Variants in GIT2 observed in about 807,000 individuals in gnomAD.
GIT2 encodes GIT ArfGAP 2, also known as ARF GTPase-activating protein GIT2.
In GIT2, 32 loss-of-function variants were observed where a neutral mutation model predicts 100.3. That is an observed-to-expected ratio of 0.32 (90% confidence interval 0.24 to 0.43). The LOEUF is 0.43. Among genes scored for constraint, GIT2 ranks in the 20% least tolerant of loss-of-function variants. The pLI, the probability that GIT2 is intolerant of heterozygous loss-of-function variation, is 1.00. For synonymous variants in GIT2, 353 were observed against 364.1 expected, an observed-to-expected ratio of 0.97 and a Z score of 0.35; for missense variants, 737 against 975.1, an observed-to-expected ratio of 0.76 and a Z score of 3.25.
intron 9 of GIT2, among the ~76,000 whole-genome samples, 157 bp from the exon 10 acceptor site, chr12:109,961,842 C>T (rs554735571): frequency 6.6e-6 from 1 of 152,260 alleles, no homozygotes; most frequent in African/African-American, 2.4e-5. Flanking sequence ...TTTTCAAAAT[C>T]GTACAGGGCC....
intron 2 of GIT2, 26 bp downstream of exon 2, chr12:109,991,601 C>G: frequency 1.9e-6 from 3 of 1,586,760 alleles, no homozygotes; most frequent in African/African-American, 1.3e-5. Context: ...AAATTACCAA[C>G]TGTCAGGAGA....
chr12:109,953,314 GT>G, intron 12 of GIT2, 80 bp from the exon 13 acceptor site: 1 of 1,483,262 alleles, frequency 6.7e-7, no homozygotes, highest in Non-Finnish European at 9.3e-7. Flanking sequence ...GGATTTTTTG[GT>G]TTAGCCATTT....
rs969212596 is a variant in GIT2, at chr12:109,934,739, T to C, written c.2004-654A>G. Among the ~76,000 whole-genome samples, 3 of 152,194 alleles carry C rather than the reference T, an allele frequency of 2.0e-5. No individual in the cohort carries two copies. The highest frequency in any genetic ancestry group is 1.9e-4 in the East Asian group (1 of 5,194). Reference sequence around the variant, plus strand: ...TGAATAGATTGTCATAAGCAACTTATGCACTTCACCTTTGTAACAAGTCTA... The same window carrying C: ...TGAATAGATTGTCATAAGCAACTTACGCACTTCACCTTTGTAACAAGTCTA... On this transcript the variant is annotated intron_variant, in intron 18 of 19. Transcript: ENST00000355312. The surrounding 1 kb of genome is among the most constrained non-coding windows in gnomAD (Gnocchi z 4.5).
intron 7 of GIT2, among the ~76,000 whole-genome samples, chr12:109,974,984 G>T (rs1468016896): frequency 1.3e-5 from 2 of 152,142 alleles, no homozygotes; most frequent in African/African-American, 2.4e-5. Context: ...ATGCCTTCTT[G>T]ATGAATTGAC....
At chr12:109,999,264 A>G (rs1170417401), upstream of GIT2, 1 of 151,084 alleles carries the variant, frequency 6.6e-6, no homozygotes, top group African/African-American at 2.5e-5. The surrounding 1 kb of genome is among the most constrained non-coding windows in gnomAD (Gnocchi z 4.3). Flanking sequence ...TGGCCAAGAG[A>G]ATGAGCCTCA....
chr12:109,933,198 GA>G lies in GIT2; in HGVS notation c.2068-9del. On this transcript the variant is annotated splice_polypyrimidine_tract_variant and intron_variant, in intron 19 of 19. Transcript: ENST00000355312. The surrounding 1 kb of genome is among the most constrained non-coding windows in gnomAD (Gnocchi z 4.5). ...CATATCAGACTTGGGTTTCTAAAAG[GA>G]AAAAGACAGCCGTTTACCCTGAACT... 2 of 1,493,652 alleles carry G rather than the reference GA, an allele frequency of 1.3e-6. No homozygotes were observed. Among genetic ancestry groups the G allele is most frequent in the Non-Finnish European group, 1.8e-6 (2 of 1,093,528 alleles). 92.5% of individuals were successfully genotyped at this position (1,493,652 alleles called of 1,614,324 possible). A position where few individuals can be genotyped will look rare whatever the true frequency, so the allele number is the denominator to read the frequency against.
chr12:109,982,572 AC>A (rs1398309299), intron 6 of GIT2: 1 of 151,920 alleles, frequency 6.6e-6, no homozygotes, highest in Non-Finnish European at 1.5e-5. Context: ...TTCAAGACTA[AC>A]CTATAGATTT....
At chr12:109,957,604 T>G (rs1879846516) in intron 12 of GIT2, among the ~76,000 whole-genome samples, 1 of 151,890 alleles carries the variant, frequency 6.6e-6, no homozygotes, top group Admixed American at 6.6e-5. Context: ...CCTCCCGGGT[T>G]CACGCCATTC....
chr12:109,948,624 G>C lies in GIT2; in HGVS notation c.1393-1120C>G. Reference sequence around the variant, plus strand: ...AGCTGGGTGTGGTGTGAGTTCAGCTGTCTACTCTTTGACAGAGATTGTAAA... The same window carrying C: ...AGCTGGGTGTGGTGTGAGTTCAGCTCTCTACTCTTTGACAGAGATTGTAAA... On this transcript the variant is annotated intron_variant, in intron 14 of 19. Transcript: ENST00000355312. The surrounding 1 kb of genome is among the most constrained non-coding windows in gnomAD (Gnocchi z 4.3). 7.0e-7 allele frequency: 1 copy of C among 1,423,240 alleles called. No individual in the cohort carries two copies. The highest frequency in any genetic ancestry group is 9.1e-7 in the Non-Finnish European group (1 of 1,097,368). 88.2% of individuals were successfully genotyped at this position (1,423,240 alleles called of 1,614,324 possible). A position where few individuals can be genotyped will look rare whatever the true frequency, so the allele number is the denominator to read the frequency against.
chr12:109,939,681 TAAAATAAATAAATAAA>T (rs1457336659), intron 16 of GIT2: 4 of 113,588 alleles, frequency 3.5e-5, no homozygotes, highest in African/African-American at 1.4e-4. Flanking sequence ...AAAAAATAAA[TAAAATAAATAAATAAA>T]TAAATAAATA....
chr12:109,961,912 GC>G, intron 9 of GIT2, among the ~76,000 whole-genome samples: 1 of 152,284 alleles, frequency 6.6e-6, no homozygotes, highest in South Asian at 2.1e-4. Context: ...CAGAGCTGCT[GC>G]TATTAAGGAG....
At position 109,973,710 on chromosome 12, in the gene GIT2, C is replaced by CT. The variant is rs561091660; in HGVS notation, c.719-6208dup. On this transcript the variant is annotated intron_variant, in intron 7 of 19. Transcript: ENST00000355312. ...CTGTTTGGTTCAGGTTTATTTTGCTCTTTTTTTTTTTAAAGTTTCTTAAGG... is the reference window on the plus strand; with the variant it reads ...CTGTTTGGTTCAGGTTTATTTTGCTCTTTTTTTTTTTTAAAGTTTCTTAAGG... Among the ~76,000 whole-genome samples the CT allele has an allele frequency of 4.9e-3, 708 of 144,044 alleles. 3 individuals carry two copies. Among genetic ancestry groups the CT allele is most frequent in the Non-Finnish European group, 7.4e-3 (486 of 65,408 alleles). 94.5% of individuals were successfully genotyped at this position (144,044 alleles called of 152,430 possible). A position where few individuals can be genotyped will look rare whatever the true frequency, so the allele number is the denominator to read the frequency against.
chr12:109,954,688 C>G (rs1272385044), intron 12 of GIT2: 3 of 152,152 alleles, frequency 2.0e-5, no homozygotes, highest in African/African-American at 7.2e-5. Flanking sequence ...CACTTGAGGT[C>G]ACGAGTTCGA....
chr12:109,974,982 T>C (rs550885621), intron 7 of GIT2, among the ~76,000 whole-genome samples: 5 of 152,340 alleles, frequency 3.3e-5, no homozygotes, highest in African/African-American at 4.8e-5. Flanking sequence ...TTATGCCTTC[T>C]TGATGAATTG....
At chr12:109,983,827 TG>T in intron 4 of GIT2, 133 bp from the exon 5 acceptor site, 1 of 624,584 alleles carries the variant, frequency 1.6e-6, no homozygotes, top group South Asian at 1.9e-5. Context: ...GTAAAGTGCA[TG>T]GACCAGTCTC....
rs999876716 is a variant in GIT2 at position 109,948,553 on chromosome 12, G to C, written c.1393-1049C>G. 1 of 1,359,210 alleles carries C rather than the reference G, an allele frequency of 7.4e-7. No individual in the cohort carries two copies. The allele number at this position is 1,359,210 out of a possible 1,614,324, so 84.2% of individuals were successfully genotyped here. A position where few individuals can be genotyped will look rare whatever the true frequency, so the allele number is the denominator to read the frequency against. Reference sequence around the variant, plus strand: ...CATTCACCACGTCCATTCTGCGCAGGGTCCTTCCCTTCTGGTGCGCCTTCA... The same window carrying C: ...CATTCACCACGTCCATTCTGCGCAGCGTCCTTCCCTTCTGGTGCGCCTTCA... On this transcript the variant is annotated intron_variant, in intron 14 of 19. Transcript: ENST00000355312. The surrounding 1 kb of genome is among the most constrained non-coding windows in gnomAD (Gnocchi z 4.3).
intron 12 of GIT2, among the ~76,000 whole-genome samples, chr12:109,958,161 G>T (rs1880046056): frequency 6.6e-6 from 1 of 151,784 alleles, no homozygotes; most frequent in African/African-American, 2.4e-5. Context: ...AGCCAAGATG[G>T]TCTCAATCTC....
At chr12:109,993,355 A>G (rs1566028338) in intron 1 of GIT2, among the ~76,000 whole-genome samples, 1 of 152,220 alleles carries the variant, frequency 6.6e-6, no homozygotes, top group Non-Finnish European at 1.5e-5. Flanking sequence ...ATGCATGTAC[A>G]CCATCTTTAC....
At chr12:109,957,168 G>T (rs1242519504) in intron 12 of GIT2, among the ~76,000 whole-genome samples, 1 of 152,156 alleles carries the variant, frequency 6.6e-6, no homozygotes, top group Non-Finnish European at 1.5e-5. Flanking sequence ...TGGGTCATGG[G>T]GGTGGATCCT....
Sources: allele counts gnomAD v4.1 joint callset (sites outside exome capture counted in the v4.1 genomes callset), GRCh38; gene constraint gnomAD v4.1.1; non-coding constraint Gnocchi (gnomAD v3.1); transcripts MANE v1.5; gene names NCBI Gene and HGNC (gene_info 2026-07-23, HGNC 2026-07-21).